The following ALB variants were observed in gnomAD, a reference collection of about 807,000 sequenced individuals.
The protein encoded by ALB is albumin, also known as serum albumin.
In ALB, 37 loss-of-function variants were observed where a neutral mutation model predicts 74.5. That is an observed-to-expected ratio of 0.50 (90% CI 0.38 to 0.65). The LOEUF (loss-of-function observed/expected upper bound fraction) is 0.65, where lower values mean the gene tolerates loss of function less well. Among genes scored for constraint, ALB ranks in the 30% least tolerant of loss-of-function variants. The pLI is 0.00. For missense variants in ALB, 685 were observed against 718.7 expected (o/e 0.95, Z 0.54); for synonymous variants, 249 against 251.6 (o/e 0.99, Z 0.10).
At chr4:73,411,082 G>A (rs116832118) in intron 6 of ALB, among the ~76,000 whole-genome samples, 38 of 152,064 alleles carry the variant, frequency 2.5e-4, no homozygotes, top group African/African-American at 8.0e-4. Context: ...TAGCTGCCCC[G>A]TCACCCACAC....
intron 10 of ALB, 130 bp downstream of exon 10, chr4:73,416,483 A>G (rs1475071190): frequency 6.8e-6 from 5 of 737,116 alleles, no homozygotes; most frequent in South Asian, 1.5e-5. Context: ...CTTTGTCAAG[A>G]AAGATAGGAG....
At chr4:73,407,008 C>A (rs1718747009) in intron 3 of ALB, among the ~76,000 whole-genome samples, 1 of 152,158 alleles carries the variant, frequency 6.6e-6, no homozygotes, top group Non-Finnish European at 1.5e-5. Context: ...ATTTAAATGG[C>A]AATTTGTCAT....
chr4:73,417,537 A>G lies in ALB; in HGVS notation c.1296A>G (p.Leu432=). 1.2e-6 allele frequency: 2 copies of G among 1,614,088 alleles called. No homozygotes were observed. Among genetic ancestry groups the G allele is most frequent in the Non-Finnish European group, 1.7e-6 (2 of 1,179,992 alleles). The change falls in exon 11 of 15, where the codon TTA becomes TTG. Residue 432 remains leucine (L), a synonymous_variant. Transcript: ENST00000295897. ...LGEYKFQNAL[L]VRYTKKVPQV... ...CATGACTTCTTTTTTTCAGGCTATT[A>G]GTTCGTTACACCAAGAAAGTACCCC...
At chr4:73,420,894 G>T in intron 14 of ALB, 198 bp from the exon 15 acceptor site, 1 of 469,996 alleles carries the variant, frequency 2.1e-6, no homozygotes, top group Non-Finnish European at 3.8e-6. Context: ...ATCTTCTTAT[G>T]ACAACATTTA....
At chr4:73,418,009 TG>T (rs1719057108) in intron 11 of ALB, 78 bp from the exon 12 acceptor site, 1 of 1,365,462 alleles carries the variant, frequency 7.3e-7, no homozygotes, top group Non-Finnish European at 1.0e-6. Flanking sequence ...CCACCATGCC[TG>T]GCTAATTTTT....
chr4:73,409,441 C>T lies in ALB; in HGVS notation c.569C>T (p.Thr190Ile), dbSNP rs746490452. 5 of 1,613,954 alleles carry T rather than the reference C, an allele frequency of 3.1e-6. No individual in the cohort carries two copies. The highest frequency in any genetic ancestry group is 1.6e-4 in the Middle Eastern group (1 of 6,062). The change falls in exon 5 of 15, where the codon ACA (threonine) becomes ATA (isoleucine). Residue 190 changes from threonine to isoleucine, a missense_variant. Transcript: ENST00000295897. ...FFAKRYKAAFTECCQAADKAA... is the reference protein window; with the variant it reads ...FFAKRYKAAFIECCQAADKAA... ...GCTAAAAGGTATAAAGCTGCTTTTA[C>T]AGAATGTTGCCAAGCTGCTGATAAA...
intron 12 of ALB, among the ~76,000 whole-genome samples, chr4:73,418,866 G>T (rs1236461527): frequency 6.6e-6 from 1 of 152,042 alleles, no homozygotes; most frequent in South Asian, 2.1e-4. Flanking sequence ...TGTAATCATC[G>T]TCTAGGCTTA....
chr4:73,409,716 T>G (rs1051879509), intron 5 of ALB, among the ~76,000 whole-genome samples: 13 of 152,168 alleles, frequency 8.5e-5, no homozygotes. Context: ...TGTGCATGTG[T>G]TTAAAGATTT....
chr4:73,419,644 T>C lies in ALB; in HGVS notation c.1785+5T>C, dbSNP rs1334912640. 3.1e-6 allele frequency: 5 copies of C among 1,613,878 alleles called. No homozygotes were observed. On this transcript the variant is annotated splice_donor_5th_base_variant and intron_variant, in intron 13 of 14. Coordinates refer to ENST00000295897, the MANE Select transcript of ALB (RefSeq NM_000477.7). ...GAGACCTGCTTTGCCGAGGAGGTAC[T>C]ACAGTTCTCTTCATTTTAATATGTC... is the stretch of plus-strand genomic sequence containing the variant.
intron 1 of ALB, 124 bp downstream of exon 1, chr4:73,404,530 T>C (rs1718670898): frequency 2.4e-6 from 2 of 827,724 alleles, no homozygotes; most frequent in Non-Finnish European, 4.0e-6. Flanking sequence ...CATAGTATTT[T>C]GTATTTGTGA....
At chr4:73,406,593 T>G (rs1483533588) in intron 2 of ALB, 36 bp from the exon 3 acceptor site, 2 of 1,610,234 alleles carry the variant, frequency 1.2e-6, no homozygotes, top group Admixed American at 1.7e-5. Flanking sequence ...TATTAAAGTT[T>G]TATTATACTA....
intron 4 of ALB, 128 bp downstream of exon 4, chr4:73,408,933 T>G (rs894686961): frequency 2.3e-6 from 2 of 872,432 alleles, no homozygotes; most frequent in African/African-American, 3.4e-5. Flanking sequence ...GTTATGATGA[T>G]TTTTTAAAGA....
chr4:73,409,605 G>T, intron 5 of ALB, 118 bp downstream of exon 5: 1 of 1,269,778 alleles, frequency 7.9e-7, no homozygotes, highest in Non-Finnish European at 1.1e-6. Context: ...GGTCAAAAAA[G>T]CCTTCCTTTT....
chr4:73,419,770 T>C, intron 13 of ALB, 131 bp downstream of exon 13: 4 of 1,156,030 alleles, frequency 3.5e-6, no homozygotes, highest in Non-Finnish European at 5.0e-6. Flanking sequence ...TTACAAACAA[T>C]TGTCTTACAA....
At chr4:73,406,799 T>C in intron 3 of ALB, 38 bp downstream of exon 3, 1 of 1,611,924 alleles carries the variant, frequency 6.2e-7, no homozygotes, top group Non-Finnish European at 8.5e-7. Flanking sequence ...TTTCTTCTGT[T>C]TGAAGTAATC....
chr4:73,408,241 A>G (rs1718783170), intron 3 of ALB, among the ~76,000 whole-genome samples: 1 of 152,156 alleles, frequency 6.6e-6, no homozygotes, highest in African/African-American at 2.4e-5. Context: ...CCCCTAGGTG[A>G]ATTCACCTGC....
intron 7 of ALB, 93 bp downstream of exon 7, chr4:73,412,218 T>C: frequency 3.4e-6 from 5 of 1,470,032 alleles, no homozygotes. Flanking sequence ...TGACAGTGGG[T>C]TGAGATTGTC....
chr4:73,414,125 A>ACTCATTTACAAAATCAG (rs1718951657), intron 8 of ALB, among the ~76,000 whole-genome samples: 1 of 152,214 alleles, frequency 6.6e-6, no homozygotes, highest in Admixed American at 6.5e-5. Flanking sequence ...TATAATGGCA[A>ACTCATTTACAAAATCAG]TATGGTAGGC....
chr4:73,417,759 T>C, intron 11 of ALB, 90 bp downstream of exon 11: 1 of 1,229,434 alleles, frequency 8.1e-7, no homozygotes, highest in South Asian at 1.5e-5. Context: ...CAGAAGGAAG[T>C]AATGTGTGTG....
Sources: gnomAD v4.1 joint callset for allele counts (sites outside exome capture counted in the v4.1 genomes callset) on GRCh38, gnomAD v4.1.1 for gene constraint, MANE v1.5 for transcripts, NCBI Gene and HGNC (gene_info 2026-07-23, HGNC 2026-07-21) for gene names.